Variants in RUFY4 observed in about 807,000 individuals in gnomAD.
RUFY4 encodes the protein RUN and FYVE domain containing 4, also known as RUN and FYVE domain-containing protein 4.
RUFY4 carries 73 observed loss-of-function variants against 69.0 expected under a neutral mutation model. The observed-to-expected ratio is 1.06, with a 90% confidence interval of 0.88 to 1.29. The LOEUF (loss-of-function observed/expected upper bound fraction) is 1.29. RUFY4 is among the 50% of genes most tolerant of loss of function. RUFY4 has a pLI of 0.00. For synonymous variants in RUFY4, 287 were observed against 271.8 expected (o/e 1.06, Z -0.55); for missense variants, 770 against 705.6 (o/e 1.09, Z -1.03).
chr2:218,070,407 T>C (rs1227266953), upstream of RUFY4: 1 of 630,672 alleles, frequency 1.6e-6, no homozygotes, highest in African/African-American at 1.8e-5. Context: ...CACACCATCA[T>C]CTTCACACAC....
At chr2:218,068,722 G>C (rs1031809058), upstream of RUFY4, 7 of 152,480 alleles carry the variant, frequency 4.6e-5, no homozygotes, top group African/African-American at 1.7e-4. Flanking sequence ...CCATTGCTGG[G>C]CACAGGATCT....
exon 11 of RUFY4, chr2:218,090,542 T>C (rs761400402): frequency 4.3e-5 from 7 of 163,228 alleles, no homozygotes; most frequent in South Asian, 1.6e-4. Context: ...TTTATGTTTA[T>C]TGAAGTACTA....
chr2:218,036,582 C>A (rs1222871234), intron 2 of RUFY4, among the ~76,000 whole-genome samples: 1 of 152,232 alleles, frequency 6.6e-6, no homozygotes, highest in Admixed American at 6.5e-5. Context: ...TGACGTAAAA[C>A]TTTGGGTTTG....
intron 2 of RUFY4, chr2:218,035,421 G>C (rs1958960116): frequency 6.6e-6 from 1 of 152,362 alleles, no homozygotes; most frequent in South Asian, 2.1e-4. Flanking sequence ...AGATCACACA[G>C]TGAGTGTGTA....
At chr2:218,080,194 C>T (rs940541398) in intron 8 of RUFY4, among the ~76,000 whole-genome samples, 2 of 152,146 alleles carry the variant, frequency 1.3e-5, no homozygotes, top group African/African-American at 4.8e-5. Context: ...AGTGAGGCAC[C>T]GGAATTCTCT....
rs1268474829 is a variant in RUFY4, at chr2:218,060,479, C to T, written c.-1071+1798C>T. 53 of 1,340,054 alleles carry T rather than the reference C, an allele frequency of 4.0e-5. No homozygotes were observed. In the South Asian group the frequency reaches 5.7e-4, roughly 14 times the overall value. 83.0% of individuals were successfully genotyped at this position (1,340,054 alleles called of 1,614,324 possible). A position where few individuals can be genotyped will look rare whatever the true frequency, so the allele number is the denominator to read the frequency against. On this transcript the variant is annotated intron_variant and NMD_transcript_variant, in intron 3 of 13. Coordinates refer to the RUFY4 transcript ENST00000457754. The stretch of plus-strand genomic sequence containing the variant: ...TGGCAAAACTTCTGGCCAATGAAGG[C>T]GTAGATGAGGGGATTGAGGTAGCTG...
exon 11 of RUFY4, chr2:218,090,108 C>T (rs1254552725): frequency 1.8e-6 from 2 of 1,101,982 alleles, no homozygotes; most frequent in East Asian, 6.4e-5. Context: ...CCATCCCACT[C>T]AATCCACTCC....
intron 2 of RUFY4, among the ~76,000 whole-genome samples, chr2:218,045,313 A>G (rs2106028323): frequency 6.6e-6 from 1 of 152,308 alleles, no homozygotes; most frequent in Non-Finnish European, 1.5e-5. Context: ...TTTATGTCCT[A>G]TTACAAGCAG....
chr2:218,090,377 C>T (rs961256679), exon 11 of RUFY4: 2 of 270,584 alleles, frequency 7.4e-6, no homozygotes, highest in African/African-American at 4.4e-5. Context: ...ACCCCAGCAG[C>T]CCTGACATTT....
intron 5 of RUFY4, 90 bp from the exon 8 acceptor site, chr2:218,073,726 C>T (rs1361559218): frequency 1.5e-5 from 20 of 1,375,412 alleles, no homozygotes; most frequent in Middle Eastern, 2.4e-4. Flanking sequence ...GGGATGAATG[C>T]GCTAGTGGAA....
At chr2:218,069,718 C>T (rs1259398467), upstream of RUFY4, among the ~76,000 whole-genome samples, 1 of 152,106 alleles carries the variant, frequency 6.6e-6, no homozygotes, top group Non-Finnish European at 1.5e-5. Context: ...CTGTGTCCCA[C>T]TGCTGTACCA....
At chr2:218,074,950 T>G (rs762572961) in intron 6 of RUFY4, 143 bp from the exon 9 acceptor site, 98 of 919,240 alleles carry the variant, frequency 1.1e-4, no homozygotes, top group Non-Finnish European at 1.5e-4. Flanking sequence ...ATTTGGGGTT[T>G]GATAAATCAA....
intron 2 of RUFY4, among the ~76,000 whole-genome samples, chr2:218,052,202 T>A (rs1451414375): frequency 6.6e-6 from 1 of 152,240 alleles, no homozygotes; most frequent in Non-Finnish European, 1.5e-5. Flanking sequence ...GCTTTTTCTT[T>A]TTTTATTTCA....
rs1689464414 is a variant in RUFY4, at chr2:218,070,664, TGA to T, written c.46+18_46+19del. 6.5e-7 allele frequency: 1 copy of T among 1,536,876 alleles called. No homozygotes were observed. Among genetic ancestry groups the T allele is most frequent in the East Asian group, 2.4e-5 (1 of 41,042 alleles). On this transcript the variant is annotated intron_variant, in intron 1 of 10. Coordinates refer to ENST00000344321, the Ensembl canonical transcript of RUFY4. ...AAAGACCTAAGAGGTGAGTGTGTCCTGAGAGATGCTCTGGGACTGAGTCATGG... is the reference window on the plus strand; with the variant it reads ...AAAGACCTAAGAGGTGAGTGTGTCCTGAGATGCTCTGGGACTGAGTCATGG...
intron 2 of RUFY4, among the ~76,000 whole-genome samples, chr2:218,071,557 C>G (rs1689487519): frequency 6.6e-6 from 1 of 152,096 alleles, no homozygotes; most frequent in South Asian, 2.1e-4. Flanking sequence ...ACACCACACA[C>G]CACAGCTACC....
At chr2:218,054,838 A>G (rs1689025213) in intron 2 of RUFY4, among the ~76,000 whole-genome samples, 1 of 152,248 alleles carries the variant, frequency 6.6e-6, no homozygotes, top group South Asian at 2.1e-4. Flanking sequence ...AACAAAGGTG[A>G]AAACATTTGC....
intron 8 of RUFY4, among the ~76,000 whole-genome samples, chr2:218,077,584 GGTCTCCGGGTAC>G (rs1479919734): frequency 6.6e-6 from 1 of 152,100 alleles, no homozygotes; most frequent in African/African-American, 2.4e-5. Context: ...TCTCTCCTGT[GGTCTCCGGGTAC>G]GTCAGTCTGC....
chr2:218,060,657 A>G, intron 3 of RUFY4: 1 of 1,343,246 alleles, frequency 7.4e-7, no homozygotes, highest in Non-Finnish European at 1.1e-6. Flanking sequence ...TGAGGACAAC[A>G]GCAAAGATGA....
intron 5 of RUFY4, 26 bp downstream of exon 7, chr2:218,073,412 G>A: frequency 6.3e-7 from 1 of 1,577,502 alleles, no homozygotes; most frequent in Admixed American, 1.8e-5. Flanking sequence ...CAGGAGAGAA[G>A]TCTCTTTTGA....
Sources: gnomAD v4.1 joint callset for allele counts (sites outside exome capture counted in the v4.1 genomes callset) on GRCh38, gnomAD v4.1.1 for gene constraint, MANE v1.5 for transcripts, NCBI Gene and HGNC (gene_info 2026-07-23, HGNC 2026-07-21) for gene names.